Variants in UNC13C observed in about 807,000 individuals in gnomAD.
The protein encoded by UNC13C is protein unc-13 homolog C.
A neutral mutation model predicts 245.4 loss-of-function variants in UNC13C; 174 were observed. That is an observed-to-expected ratio of 0.71 (90% confidence interval 0.63 to 0.80). UNC13C has a LOEUF of 0.80. Among genes scored for constraint, UNC13C ranks in the 30% least tolerant of loss-of-function variants. The probability of loss-of-function intolerance (pLI) is 0.00; values close to 1 mark genes in which losing one functional copy is unlikely to be tolerated. For missense variants in UNC13C, 2,829 were observed against 2,602.9 expected, an observed-to-expected ratio of 1.09 and a Z score of -1.89; for synonymous variants, 992 against 895.1, an observed-to-expected ratio of 1.11 and a Z score of -1.93.
intron 19 of UNC13C, among the ~76,000 whole-genome samples, chr15:54,485,185 T>A (rs1893341236): frequency 6.6e-6 from 1 of 152,214 alleles, no homozygotes; most frequent in African/African-American, 2.4e-5. Context: ...ATGATCCACT[T>A]CATTCCCAGT....
the UNC13C span, among the ~76,000 whole-genome samples, chr15:53,964,929 G>C: frequency 6.6e-6 from 1 of 152,136 alleles, no homozygotes; most frequent in South Asian, 2.1e-4. Context: ...ATACTAACAA[G>C]ACATAGCCTG....
chr15:54,494,526 T>C, intron 19 of UNC13C, 82 bp from the exon 20 acceptor site: 12 of 1,301,972 alleles, frequency 9.2e-6, no homozygotes, highest in Non-Finnish European at 1.2e-5. Flanking sequence ...TTTTAGAAAT[T>C]CTATTAATAA....
intron 1 of UNC13C, among the ~76,000 whole-genome samples, chr15:54,007,580 G>A (rs1895198303): frequency 2.0e-5 from 3 of 152,164 alleles, no homozygotes; most frequent in African/African-American, 7.2e-5. Flanking sequence ...TGGACTCAGG[G>A]AGGGGAACAG....
chr15:54,041,901 C>T (rs899127674), intron 2 of UNC13C, among the ~76,000 whole-genome samples: 3 of 151,994 alleles, frequency 2.0e-5, no homozygotes, highest in Non-Finnish European at 2.9e-5. Context: ...GGGTATAGTG[C>T]CGTCAGTGAT....
intron 17 of UNC13C, among the ~76,000 whole-genome samples, chr15:54,392,135 C>T (rs563648801): frequency 1.4e-4 from 21 of 152,106 alleles, no homozygotes; most frequent in African/African-American, 4.8e-4. Context: ...TGTATCTCTG[C>T]CTATATTTTT....
chr15:54,149,521 A>T (rs2032426216), intron 4 of UNC13C, among the ~76,000 whole-genome samples: 1 of 152,168 alleles, frequency 6.6e-6, no homozygotes, highest in South Asian at 2.1e-4. Flanking sequence ...ATTACCACTG[A>T]TCTAGTTTTA....
At chr15:54,170,426 G>A (rs1485522831) in intron 4 of UNC13C, among the ~76,000 whole-genome samples, 4 of 151,906 alleles carry the variant, frequency 2.6e-5, no homozygotes, top group Admixed American at 6.6e-5. Context: ...TATGAAGGGA[G>A]TATAAATATA....
At chr15:54,194,994 A>C (rs2034304962) in intron 4 of UNC13C, among the ~76,000 whole-genome samples, 1 of 152,242 alleles carries the variant, frequency 6.6e-6, no homozygotes, top group Non-Finnish European at 1.5e-5. Flanking sequence ...CAAAAATTAC[A>C]TTTACCTCCT....
At chr15:53,916,543 T>C in the UNC13C span, among the ~76,000 whole-genome samples, 1 of 152,116 alleles carries the variant, frequency 6.6e-6, no homozygotes, top group Non-Finnish European at 1.5e-5. Context: ...AACTGAGACA[T>C]AGCAGTAGTG....
chr15:54,605,741 T>G (rs1467118488), intron 30 of UNC13C, among the ~76,000 whole-genome samples: 1 of 152,188 alleles, frequency 6.6e-6, no homozygotes, highest in Non-Finnish European at 1.5e-5. Context: ...TCAACCAGGA[T>G]GCAGCTAGAA....
At chr15:53,891,996 T>C in the UNC13C span, among the ~76,000 whole-genome samples, 1 of 152,194 alleles carries the variant, frequency 6.6e-6, no homozygotes, top group Admixed American at 6.5e-5. Context: ...CAGTGGCTGG[T>C]ACCGGTTGTT....
At chr15:53,934,066 A>T in the UNC13C span, among the ~76,000 whole-genome samples, 4 of 152,222 alleles carry the variant, frequency 2.6e-5, no homozygotes, top group Non-Finnish European at 5.9e-5. Context: ...AGGCAAAAGG[A>T]GAGCCAGCAT....
intron 18 of UNC13C, among the ~76,000 whole-genome samples, chr15:54,409,685 C>T (rs573577822): frequency 4.5e-4 from 68 of 152,266 alleles, no homozygotes; most frequent in African/African-American, 1.6e-3. Flanking sequence ...CAACTCCATC[C>T]ACGTTGCTGC....
At chr15:54,614,040 T>TA (rs1375259439) in intron 30 of UNC13C, among the ~76,000 whole-genome samples, 1 of 151,984 alleles carries the variant, frequency 6.6e-6, no homozygotes, top group Admixed American at 6.6e-5. Flanking sequence ...CAGAGGGACT[T>TA]GGTGGAGAGA....
Position 54,159,899 on chromosome 15 carries a change from A to G in UNC13C, c.3071+16215A>G, listed in dbSNP as rs1044960148. 5.3e-5 allele frequency among the ~76,000 whole-genome samples: 8 copies of G among 152,330 alleles called. No individual in the cohort carries two copies. The South Asian group carries it at 6.2e-4, about 12-fold the overall frequency. ...ATTGTGAGAAGGCAGGGGAAGAGTA[A>G]TACATACCTTCCTCTTCCCTTAGTT... is the stretch of plus-strand genomic sequence containing the variant. On this transcript the variant is annotated intron_variant, in intron 4 of 32. Coordinates refer to ENST00000260323, the MANE Select transcript of UNC13C (RefSeq NM_001080534.3).
intron 4 of UNC13C, among the ~76,000 whole-genome samples, chr15:54,189,495 G>T (rs765676360): frequency 2.0e-5 from 3 of 152,114 alleles, no homozygotes; most frequent in Admixed American, 1.3e-4. Flanking sequence ...TACTTCAATA[G>T]AAGTTCTTAG....
intron 2 of UNC13C, among the ~76,000 whole-genome samples, chr15:54,116,814 A>G (rs2030281380): frequency 6.6e-6 from 1 of 152,106 alleles, no homozygotes; most frequent in Non-Finnish European, 1.5e-5. Flanking sequence ...TTGCTGAACC[A>G]TATGGTAGTT....
rs548724096 is a variant in UNC13C at position 54,106,644 on chromosome 15, C to A, written c.2984-36374C>A. 3.9e-5 allele frequency among the ~76,000 whole-genome samples: 6 copies of A among 152,278 alleles called. No homozygotes were observed. In the South Asian group the frequency reaches 1.2e-3, roughly 32 times the overall value. On this transcript the variant is annotated intron_variant, in intron 2 of 32. Coordinates refer to ENST00000260323, the MANE Select transcript of UNC13C (RefSeq NM_001080534.3). Reference sequence around the variant, plus strand: ...TTTTCTGTTCCATGTGCCATCTCTTCTTATCATTTCCCCCACCAAATTTAT... The same window carrying A: ...TTTTCTGTTCCATGTGCCATCTCTTATTATCATTTCCCCCACCAAATTTAT...
At chr15:53,846,529 G>A in the UNC13C span, among the ~76,000 whole-genome samples, 2 of 152,224 alleles carry the variant, frequency 1.3e-5, no homozygotes, top group Admixed American at 1.3e-4. Context: ...ACATTTATAA[G>A]AAGAAAATTT....
Sources: gnomAD v4.1 joint callset for allele counts (sites outside exome capture counted in the v4.1 genomes callset) on GRCh38, gnomAD v4.1.1 for gene constraint, MANE v1.5 for transcripts, NCBI Gene and HGNC (gene_info 2026-07-23, HGNC 2026-07-21) for gene names.